PPP2R3B: variants seen among roughly 807,000 people sequenced by gnomAD.
PPP2R3B encodes the protein protein phosphatase 2 regulatory subunit B''beta, also known as serine/threonine-protein phosphatase 2A regulatory subunit B'' subunit beta.
In PPP2R3B, 68 loss-of-function variants were observed where a neutral mutation model predicts 72.9. The observed-to-expected ratio is 0.93, with a 90% CI of 0.77 to 1.14. The LOEUF (loss-of-function observed/expected upper bound fraction) is 1.14, where lower values mean the gene tolerates loss of function less well. PPP2R3B is among the 50% of genes most tolerant of loss of function. The pLI is 0.00. For missense variants in PPP2R3B, 1,018 were observed against 842.0 expected (o/e 1.21, Z -2.59); for synonymous variants, 466 against 375.8 (o/e 1.24, Z -2.78).
intron 2 of PPP2R3B, among the ~76,000 whole-genome samples, chrX:353,414 T>C (rs914837466): frequency 6.6e-6 from 1 of 152,018 alleles, no homozygotes; most frequent in Non-Finnish European, 1.5e-5. Flanking sequence ...AGCCTGTGTT[T>C]ATTGAAACAA....
intron 1 of PPP2R3B, among the ~76,000 whole-genome samples, chrX:384,230 A>T (rs1412125216): frequency 6.6e-6 from 1 of 151,272 alleles, no homozygotes; most frequent in Admixed American, 6.6e-5. Context: ...TCTATTGCTT[A>T]TCTTGGCCTC....
At chrX:344,918 G>GT (rs1293769101) in intron 7 of PPP2R3B, 9 of 346,724 alleles carry the variant, frequency 2.6e-5, no homozygotes, top group South Asian at 4.4e-5. Flanking sequence ...TGGTCATATG[G>GT]TTTTTTGGGG....
Position 346,314 on chromosome X carries a change from C to G in PPP2R3B, c.793-54G>C, listed in dbSNP as rs1021876174. The stretch of plus-strand genomic sequence containing the variant: ...GCGCAGAGACCCCCAGGAGCCTCGC[C>G]CCGCACGGAGACCGGGAGCCGGGAG... On this transcript the variant is annotated intron_variant, in intron 5 of 12. Transcript: ENST00000390665. The G allele has an allele frequency of 2.0e-3, 2,949 of 1,510,266 alleles. 11 individuals are homozygous for G. Among genetic ancestry groups the G allele is most frequent in the Non-Finnish European group, 1.6e-3 (1,764 of 1,114,970 alleles). 93.6% of individuals were successfully genotyped at this position (1,510,266 alleles called of 1,614,324 possible). A position where few individuals can be genotyped will look rare whatever the true frequency, so the allele number is the denominator to read the frequency against.
chrX:375,659 C>CACGG (rs2071975445), intron 1 of PPP2R3B, among the ~76,000 whole-genome samples: 1 of 152,268 alleles, frequency 6.6e-6, no homozygotes. Context: ...CAGCACTACA[C>CACGG]ACGGACGGCC....
chrX:371,899 C>T (rs1421929022), intron 1 of PPP2R3B, among the ~76,000 whole-genome samples: 1 of 151,690 alleles, frequency 6.6e-6, no homozygotes, highest in Non-Finnish European at 1.5e-5. Flanking sequence ...TGTCCTCACT[C>T]CCTAAAAACG....
chrX:350,273 C>T (rs1175006813), intron 2 of PPP2R3B, among the ~76,000 whole-genome samples: 1 of 152,206 alleles, frequency 6.6e-6, no homozygotes, highest in Non-Finnish European at 1.5e-5. Flanking sequence ...GGGTGAAAGG[C>T]CAAACAGCGG....
chrX:378,579 C>T (rs995430089), intron 1 of PPP2R3B, among the ~76,000 whole-genome samples: 4 of 152,190 alleles, frequency 2.6e-5, no homozygotes, highest in African/African-American at 4.8e-5. Context: ...CTGCAGAGCA[C>T]GGCTTCCTCC....
chrX:350,248 G>A (rs1362141562), intron 2 of PPP2R3B, among the ~76,000 whole-genome samples: 4 of 152,180 alleles, frequency 2.6e-5, no homozygotes, highest in Non-Finnish European at 5.9e-5. Context: ...GAATACCAGG[G>A]GATCCCAGCC....
At chrX:354,256 ACC>A (rs1361987576) in intron 2 of PPP2R3B, among the ~76,000 whole-genome samples, 1 of 146,634 alleles carries the variant, frequency 6.8e-6, no homozygotes. Flanking sequence ...CTGGGGGCTC[ACC>A]CAAACACCAG....
intron 12 of PPP2R3B, chrX:335,018 C>G (rs111770100): frequency 1.3e-5 from 2 of 152,944 alleles, no homozygotes; most frequent in Admixed American, 1.3e-4. Flanking sequence ...GGGCGCTGCT[C>G]CGGGGAACCC....
At chrX:363,422 C>T (rs1246789874) in intron 1 of PPP2R3B, among the ~76,000 whole-genome samples, 3 of 88,394 alleles carry the variant, frequency 3.4e-5, no homozygotes, top group Non-Finnish European at 4.9e-5. Flanking sequence ...TGCATCTCCC[C>T]GAGCCCGCGA....
chrX:344,018 A>G (rs372482604), intron 7 of PPP2R3B, among the ~76,000 whole-genome samples: 678 of 4,286 alleles, frequency 0.16, 1 homozygote, highest in South Asian at 0.17. Flanking sequence ...GTCGCCAAGG[A>G]GAGGCGGGAG....
At chrX:351,935 T>TCC in intron 2 of PPP2R3B, among the ~76,000 whole-genome samples, 1 of 152,182 alleles carries the variant, frequency 6.6e-6, no homozygotes, top group South Asian at 2.1e-4. Context: ...CCGCAAGCCA[T>TCC]CCTCCCGCCT....
At position 364,655 on chromosome X, in the gene PPP2R3B, T is replaced by C. The variant is rs777862945; in HGVS notation, c.325-3065A>G. Among the ~76,000 whole-genome samples, 399 of 98,766 alleles carry C rather than the reference T, an allele frequency of 4.0e-3. 20 individuals carry two copies. The highest frequency in any genetic ancestry group is 0.017 in the African/African-American group (380 of 22,604). 64.8% of individuals were successfully genotyped at this position (98,766 alleles called of 152,430 possible). A position where few individuals can be genotyped will look rare whatever the true frequency, so the allele number is the denominator to read the frequency against. On this transcript the variant is annotated intron_variant, in intron 1 of 12. Transcript: ENST00000390665. ...ATCGCTTCAACACAGGAGGCGGAGG[T>C]TGCAGTGAGCTGAGATCGCACCACT...
chrX:334,341 C>CGTG lies in PPP2R3B; in HGVS notation c.*25_*26insCAC. On this transcript the variant is annotated 3_prime_UTR_variant, in exon 13 of 13. Coordinates refer to ENST00000390665, the MANE Select transcript of PPP2R3B (RefSeq NM_013239.5). ...CGGTGGTGGCACGTGGGGAGCGGCCCCGCGGCGGCGTTCTCGCGGGCGGCG... is the reference window on the plus strand; with the variant it reads ...CGGTGGTGGCACGTGGGGAGCGGCCCGTGCGCGGCGGCGTTCTCGCGGGCGGCG... 1 of 1,461,072 alleles carries CGTG rather than the reference C, an allele frequency of 6.8e-7. No individual in the cohort carries two copies. The highest frequency in any genetic ancestry group is 1.5e-5 in the African/African-American group (1 of 67,752). 90.5% of individuals were successfully genotyped at this position (1,461,072 alleles called of 1,614,324 possible). A position where few individuals can be genotyped will look rare whatever the true frequency, so the allele number is the denominator to read the frequency against.
chrX:381,657 G>A (rs747735657), intron 1 of PPP2R3B, among the ~76,000 whole-genome samples: 1 of 141,704 alleles, frequency 7.1e-6, no homozygotes, highest in South Asian at 2.2e-4. Flanking sequence ...GGAGTGCAGT[G>A]GCGCGATCTC....
intron 12 of PPP2R3B, chrX:336,806 A>G (rs1338670831): frequency 2.0e-5 from 3 of 152,206 alleles, no homozygotes; most frequent in African/African-American, 4.8e-5. Flanking sequence ...GTCTCACAAC[A>G]TTCGCATCAA....
intron 1 of PPP2R3B, among the ~76,000 whole-genome samples, chrX:380,786 CAAAAAAAAAA>C (rs1054118917): frequency 1.9e-5 from 1 of 53,134 alleles, no homozygotes; most frequent in East Asian, 6.5e-4. Context: ...AACTCCATCT[CAAAAAAAAAA>C]AAAAAAAAAA....
intron 1 of PPP2R3B, among the ~76,000 whole-genome samples, chrX:380,920 G>A (rs1325023981): frequency 1.3e-5 from 2 of 150,412 alleles, no homozygotes; most frequent in South Asian, 2.1e-4. Context: ...TCAGCCCATC[G>A]ATACTGGCGT....
Sources: allele counts gnomAD v4.1 joint callset (sites outside exome capture counted in the v4.1 genomes callset), GRCh38; gene constraint gnomAD v4.1.1; transcripts MANE v1.5; gene names NCBI Gene and HGNC (gene_info 2026-07-23, HGNC 2026-07-21).